CDC42BPG: variants seen among roughly 807,000 people sequenced by gnomAD.
CDC42BPG encodes serine/threonine-protein kinase MRCK gamma.
A neutral mutation model predicts 192.2 loss-of-function variants in CDC42BPG; 157 were observed. The ratio of observed to expected loss-of-function variants is 0.82; its 90% CI spans 0.72 to 0.93. CDC42BPG has a LOEUF of 0.93. Among genes scored for constraint, CDC42BPG ranks in the 40% least tolerant of loss-of-function variants. CDC42BPG has a pLI of 0.00. For synonymous variants in CDC42BPG, 981 were observed against 918.5 expected (o/e 1.07, Z -1.23); for missense variants, 1,992 against 2,122.1 (o/e 0.94, Z 1.20).
In CDC42BPG at chr11:64,831,554, G is replaced by GT; in HGVS notation, c.3254dup (p.Tyr1085Ter). The GT allele has an allele frequency of 6.2e-7, 1 of 1,612,206 alleles. No homozygotes were observed. Among genetic ancestry groups the GT allele is most frequent in the South Asian group, 1.1e-5 (1 of 91,056 alleles). The change falls in exon 28 of 37, where the codon TAC becomes TAAC. Residue 1085 changes from tyrosine to a stop codon, truncating the protein, a stop_gained and frameshift_variant. Coordinates refer to ENST00000342711, the MANE Select transcript of CDC42BPG (RefSeq NM_017525.3). LOFTEE classifies it high-confidence loss of function. ...PRPVYTLKEA[Y>*]DNGLPLLPHT... ...GAGGCAGCAGCGGCAGCCCGTTGTC[G>GT]TAAGCCTCCTTGAGTGTGTACACGG... is the stretch of plus-strand genomic sequence containing the variant.
Position 64,829,675 on chromosome 11 carries a change from C to A in CDC42BPG, c.3763G>T (p.Ala1255Ser). The change falls in exon 30 of 37, where the codon GCT becomes TCT. Residue 1255 changes from alanine to serine, a missense_variant. Transcript: ENST00000342711. ...CCGGCCCCCAGCGCCAACGGCGCAG[C>A]CTCGTTGAGCAGCGGGTAGAGTGCA... ...GFALYPLLNE[A>S]APLALGAGLV... is the part of the protein sequence containing the mutation. The A allele has an allele frequency of 1.9e-6, 3 of 1,611,746 alleles. No homozygotes were observed. The highest frequency in any genetic ancestry group is 1.7e-6 in the Non-Finnish European group (2 of 1,179,484).
rs775985641 is a variant in CDC42BPG, at chr11:64,838,990, G to T, written c.876+43C>A. 8.1e-6 allele frequency: 13 copies of T among 1,612,180 alleles called. No homozygotes were observed. In the African/African-American group the frequency reaches 1.5e-4, roughly 18 times the overall value. On this transcript the variant is annotated intron_variant, in intron 7 of 36. Coordinates refer to ENST00000342711, the MANE Select transcript of CDC42BPG (RefSeq NM_017525.3). Reference sequence around the variant, plus strand: ...TACTTCCAACCACACAGACTCAGGGGTCCCACTGCCCCCTCTGGAAGCCCA... The same window carrying T: ...TACTTCCAACCACACAGACTCAGGGTTCCCACTGCCCCCTCTGGAAGCCCA...
intron 36 of CDC42BPG, among the ~76,000 whole-genome samples, chr11:64,825,454 A>T (rs749830749): frequency 2.0e-5 from 3 of 152,144 alleles, no homozygotes; most frequent in Non-Finnish European, 4.4e-5. Flanking sequence ...GCGGCCAGGA[A>T]GGCTCCTTTG....
At position 64,839,179 on chromosome 11, in the gene CDC42BPG, G is replaced by A. The variant is rs1207626081; in HGVS notation, c.730C>T (p.Gln244Ter). ...TGGCCCTTGCCCTCCTCCATGGCCT[G>A]CAGGATCTCAGGGGAGATATAGTCC... ...TPDYISPEIL[Q>*]AMEEGKGHYG... Residue 244 changes from glutamine (Q) to a stop codon, truncating the protein, a stop_gained, in exon 7 of 37, where the codon CAG (glutamine) becomes TAG (stop). Transcript: ENST00000342711. LOFTEE classifies it high-confidence loss of function. 2 of 1,613,282 alleles carry A rather than the reference G, an allele frequency of 1.2e-6. No individual in the cohort carries two copies. The highest frequency in any genetic ancestry group is 1.7e-6 in the Non-Finnish European group (2 of 1,180,044).
At chr11:64,832,363 T>C (rs1424505527) in intron 27 of CDC42BPG, 65 bp downstream of exon 27, 1 of 1,516,006 alleles carries the variant, frequency 6.6e-7, no homozygotes, top group Non-Finnish European at 9.1e-7. Context: ...GGGGGGACAG[T>C]GGCCAGAGCT....
chr11:64,841,813 C>T lies in CDC42BPG; in HGVS notation c.252G>A (p.Glu84=), dbSNP rs2136412963. 6.2e-7 allele frequency: 1 copy of T among 1,613,902 alleles called. No homozygotes were observed. The highest frequency in any genetic ancestry group is 2.2e-5 in the East Asian group (1 of 44,880). Residue 84 remains glutamate, a splice_region_variant and synonymous_variant, in exon 2 of 37, where the codon GAG becomes GAA. Transcript: ENST00000342711. ...LKVIGRGAFG[E]VTVVRQRDTG... ...CACCTACCCCAGGCCCTTTGCTCAC[C>T]TCCCCAAAGGCTCCTCGGCCGATCA... is the stretch of plus-strand genomic sequence containing the variant.
Position 64,844,613 on chromosome 11 carries a change from C to T in CDC42BPG, c.-44G>A, listed in dbSNP as rs552800505. 2 of 1,228,820 alleles carry T rather than the reference C, an allele frequency of 1.6e-6. No homozygotes were observed. Among genetic ancestry groups the T allele is most frequent in the South Asian group, 3.6e-5 (1 of 28,082 alleles). 76.1% of individuals were successfully genotyped at this position (1,228,820 alleles called of 1,614,324 possible). On this transcript the variant is annotated 5_prime_UTR_variant, in exon 1 of 37. Coordinates refer to ENST00000342711, the MANE Select transcript of CDC42BPG (RefSeq NM_017525.3). Reference sequence around the variant, plus strand: ...GCTGCTCGGCTACAGTCTGGCCGCCCGCATGCCCGCCTGTCGGGCCGTCCG... The same window carrying T: ...GCTGCTCGGCTACAGTCTGGCCGCCTGCATGCCCGCCTGTCGGGCCGTCCG...
At position 64,840,623 on chromosome 11, in the gene CDC42BPG, T is replaced by A; in HGVS notation, c.362A>T (p.Asp121Val). The A allele has an allele frequency of 6.2e-7, 1 of 1,613,790 alleles. No homozygotes were observed. Among genetic ancestry groups the A allele is most frequent in the Non-Finnish European group, 8.5e-7 (1 of 1,179,986 alleles). Residue 121 changes from aspartate to valine, a missense_variant, in exon 4 of 37, where the codon GAT (aspartate) becomes GTT (valine). Coordinates refer to ENST00000342711, the MANE Select transcript of CDC42BPG (RefSeq NM_017525.3). ...ACGGCTGTCCCCTTTCACGAGCACA[T>A]CCCGCTCCTCCCGGAAACAGGCTGT... Reference protein sequence around the residue: ...AETACFREERDVLVKGDSRWV... With the variant: ...AETACFREERVVLVKGDSRWV...
rs775654719 is a variant in CDC42BPG, at chr11:64,834,958, T to C, written c.2066A>G (p.Asn689Ser). 4 of 1,613,874 alleles carry C rather than the reference T, an allele frequency of 2.5e-6. No individual in the cohort carries two copies. The highest frequency in any genetic ancestry group is 3.3e-5 in the Admixed American group (2 of 59,998). The change falls in exon 18 of 37, where the codon AAT (asparagine) becomes AGT (serine). Residue 689 changes from asparagine to serine, a missense_variant. Around this residue, in one of 2 missense-constraint regions of CDC42BPG, gnomAD observed 1,656 missense variants for 1,844.3 expected, o/e 0.90. Transcript: ENST00000342711. ...GTAGCCTCTTGAGACCTTCTCATCA[T>C]TCACCCTGAATGGGAAGGGGCTCAG... The part of the protein sequence containing the change: ...AQLADILSWV[N>S]DEKVSRGYLQ...
At chr11:64,835,941 C>T (rs1942964708) in intron 13 of CDC42BPG, 90 bp from the exon 14 acceptor site, 3 of 1,364,892 alleles carry the variant, frequency 2.2e-6, no homozygotes, top group Non-Finnish European at 3.0e-6. Flanking sequence ...CTGCCAGCCA[C>T]AGTGGACATG....
At chr11:64,825,716 G>T (rs117154185) in intron 36 of CDC42BPG, among the ~76,000 whole-genome samples, 5,922 of 152,062 alleles carry the variant, frequency 0.039, 212 homozygotes, top group Non-Finnish European at 0.051. Context: ...ATTCAGAATG[G>T]ACTGCTCCCT....
chr11:64,827,701 G>T lies in CDC42BPG; in HGVS notation c.4050C>A (p.Thr1350=), dbSNP rs757321105. 4 of 1,612,820 alleles carry T rather than the reference G, an allele frequency of 2.5e-6. No individual in the cohort carries two copies. Residue 1350 remains threonine, a synonymous_variant, in exon 31 of 37, where the codon ACC becomes ACA. Transcript: ENST00000342711. Reference sequence around the variant, plus strand: ...GGACCCTCACCTTCTTGAGCGGCACGGTCTGCACCCATTCTGCCCTCCTCA... The same window carrying T: ...GGACCCTCACCTTCTTGAGCGGCACTGTCTGCACCCATTCTGCCCTCCTCA... ...FDVRRAEWVQ[T]VPLKKVRPLN...
intron 27 of CDC42BPG, 80 bp from the exon 28 acceptor site, chr11:64,831,801 G>A: frequency 2.3e-6 from 3 of 1,308,794 alleles, no homozygotes; most frequent in South Asian, 1.3e-5. Context: ...AGCAGCCGCT[G>A]TGCCCCGGGG....
At chr11:64,826,211 C>T (rs1942408597) in intron 36 of CDC42BPG, among the ~76,000 whole-genome samples, 1 of 152,142 alleles carries the variant, frequency 6.6e-6, no homozygotes, top group Non-Finnish European at 1.5e-5. Context: ...AAGACAAGAT[C>T]AGGGAGGTTG....
rs905116539 is a variant in CDC42BPG at position 64,833,347 on chromosome 11, G to A, written c.2626-11C>T. ...CGTGTGTGAGCCGGGCTGGGGAGGG[G>A]GACAGCCATTACCCAAGGCCTCCCA... On this transcript the variant is annotated splice_polypyrimidine_tract_variant and intron_variant, in intron 23 of 36. Transcript: ENST00000342711. 2.2e-6 allele frequency: 3 copies of A among 1,389,136 alleles called. No individual in the cohort carries two copies. The highest frequency in any genetic ancestry group is 2.9e-6 in the Non-Finnish European group (3 of 1,019,028). 86.1% of individuals were successfully genotyped at this position (1,389,136 alleles called of 1,614,324 possible). A position where few individuals can be genotyped will look rare whatever the true frequency, so the allele number is the denominator to read the frequency against.
chr11:64,831,967 G>A (rs1346363467), intron 27 of CDC42BPG, among the ~76,000 whole-genome samples: 1 of 152,286 alleles, frequency 6.6e-6, no homozygotes, highest in South Asian at 2.1e-4. Flanking sequence ...GACTTCCCAG[G>A]AGACCAGACA....
At position 64,829,781 on chromosome 11, in the gene CDC42BPG, G is replaced by A; in HGVS notation, c.3657C>T (p.Ile1219=). 6.3e-7 allele frequency: 1 copy of A among 1,599,202 alleles called. No individual in the cohort carries two copies. Among genetic ancestry groups the A allele is most frequent in the Non-Finnish European group, 8.5e-7 (1 of 1,174,980 alleles). Residue 1219 remains isoleucine (I), a synonymous_variant, in exon 30 of 37, where the codon ATC becomes ATT. Coordinates refer to ENST00000342711, the MANE Select transcript of CDC42BPG (RefSeq NM_017525.3). ...GPGPGPWQRR[I]RELQAPATVQ... Reference sequence around the variant, plus strand: ...CAGTGGCAGGTGCCTGCAGCTCACGGATGCGGCGCTGCCAGGGCCCAGGGC... The same window carrying A: ...CAGTGGCAGGTGCCTGCAGCTCACGAATGCGGCGCTGCCAGGGCCCAGGGC...
intron 21 of CDC42BPG, 26 bp downstream of exon 21, chr11:64,833,899 A>C: frequency 6.2e-7 from 1 of 1,614,192 alleles, no homozygotes; most frequent in African/African-American, 1.3e-5. Context: ...ACTTCTCCCC[A>C]ACAAGCCCCT....
chr11:64,834,125 T>C, intron 20 of CDC42BPG, 141 bp downstream of exon 20: 1 of 1,388,344 alleles, frequency 7.2e-7, no homozygotes. Context: ...GAAGTGCTGG[T>C]CACAGATGAT....
Sources: gnomAD v4.1 joint callset for allele counts (sites outside exome capture counted in the v4.1 genomes callset) on GRCh38, gnomAD v4.1.1 for gene constraint, gnomAD v4.1.1 regional missense constraint, MANE v1.5 for transcripts, NCBI Gene and HGNC (gene_info 2026-07-23, HGNC 2026-07-21) for gene names.